PTPN5: variants seen among roughly 807,000 people sequenced by gnomAD.
PTPN5 encodes the protein tyrosine-protein phosphatase non-receptor type 5.
In PTPN5, 29 loss-of-function variants were observed where a neutral mutation model predicts 73.9. That is an observed-to-expected ratio of 0.39 (90% CI 0.29 to 0.54). PTPN5 has a LOEUF of 0.54. PTPN5 is among the 20% of genes least tolerant of loss of function. The pLI, the probability that PTPN5 is intolerant of heterozygous loss-of-function variation, is 0.65. For synonymous variants in PTPN5, 267 were observed against 304.7 expected (o/e 0.88, Z 1.29); for missense variants, 652 against 751.4 (o/e 0.87, Z 1.55).
At position 18,729,332 on chromosome 11, in the gene PTPN5, A is replaced by T. The variant is rs1030380197; in HGVS notation, c.1604+121T>A. 2 of 643,416 alleles carry T rather than the reference A, an allele frequency of 3.1e-6. No individual in the cohort carries two copies. The highest frequency in any genetic ancestry group is 2.8e-6 in the Non-Finnish European group (1 of 354,182). 39.9% of individuals were successfully genotyped at this position (643,416 alleles called of 1,614,324 possible). A position where few individuals can be genotyped will look rare whatever the true frequency, so the allele number is the denominator to read the frequency against. ...CCTCGCTACTCCTTGTCTGCCCATC[A>T]GTCCGTGCCAGTGTTTTCCATCTGC... On this transcript the variant is annotated intron_variant, in intron 14 of 14. Coordinates refer to ENST00000358540, the MANE Select transcript of PTPN5 (RefSeq NM_006906.2). The surrounding 1 kb of genome is among the most constrained non-coding windows in gnomAD (Gnocchi z 5.2).
chr11:18,777,912 T>G (rs1462210103), intron 1 of PTPN5, among the ~76,000 whole-genome samples: 1 of 151,736 alleles, frequency 6.6e-6, no homozygotes, highest in Non-Finnish European at 1.5e-5. Context: ...ACCACTGCAT[T>G]TCAGCCCAGC....
Position 18,765,787 on chromosome 11 carries a change from T to C in PTPN5, c.97+20A>G. ...CTCCATTCTGAGGTCTGGGAGGAGCTGGGTGCTGAGAAGACTCACCCGGTA... is the reference window on the plus strand; with the variant it reads ...CTCCATTCTGAGGTCTGGGAGGAGCCGGGTGCTGAGAAGACTCACCCGGTA... On this transcript the variant is annotated intron_variant, in intron 3 of 14. Transcript: ENST00000358540. The C allele has an allele frequency of 6.6e-7, 1 of 1,526,614 alleles. No individual in the cohort carries two copies. The highest frequency in any genetic ancestry group is 8.9e-7 in the Non-Finnish European group (1 of 1,121,386). 94.6% of individuals were successfully genotyped at this position (1,526,614 alleles called of 1,614,324 possible). A position where few individuals can be genotyped will look rare whatever the true frequency, so the allele number is the denominator to read the frequency against.
At chr11:18,749,537 A>G (rs889164320) in intron 3 of PTPN5, 2 of 518,350 alleles carry the variant, frequency 3.9e-6, no homozygotes, top group Admixed American at 3.9e-5. Flanking sequence ...GCCACGGTGC[A>G]GATTTTGTGC....
intron 3 of PTPN5, among the ~76,000 whole-genome samples, chr11:18,753,261 C>A (rs577131479): frequency 2.9e-4 from 44 of 152,306 alleles, no homozygotes; most frequent in African/African-American, 1.0e-3. Context: ...GAGGCTCACA[C>A]CATGTTCTCA....
chr11:18,744,336 C>G lies in PTPN5; in HGVS notation c.98-137G>C. 3 of 624,426 alleles carry G rather than the reference C, an allele frequency of 4.8e-6. No individual in the cohort carries two copies. The South Asian group carries it at 1.1e-4, about 23-fold the overall frequency. The allele number at this position is 624,426 out of a possible 1,614,324, so 38.7% of individuals were successfully genotyped here. A position where few individuals can be genotyped will look rare whatever the true frequency, so the allele number is the denominator to read the frequency against. On this transcript the variant is annotated intron_variant, in intron 3 of 14. Transcript: ENST00000358540. ...TGGCTCCACTTCCAGCAGTCACCCT[C>G]GATTAGCAAAGCAATATTCACCTAC... is the stretch of plus-strand genomic sequence containing the variant.
intron 2 of PTPN5, among the ~76,000 whole-genome samples, chr11:18,771,440 T>C (rs1401601291): frequency 2.0e-5 from 3 of 152,218 alleles, no homozygotes; most frequent in Non-Finnish European, 4.4e-5. Flanking sequence ...CTCCCACTTC[T>C]GGGCTCCCCC....
chr11:18,764,254 G>A (rs912275821), intron 3 of PTPN5, among the ~76,000 whole-genome samples: 2 of 152,154 alleles, frequency 1.3e-5, no homozygotes, highest in Admixed American at 6.5e-5. Context: ...GCGTCTATGG[G>A]CCAAAGGCCT....
At chr11:18,750,375 C>T (rs919851428) in intron 3 of PTPN5, among the ~76,000 whole-genome samples, 42 of 152,152 alleles carry the variant, frequency 2.8e-4, no homozygotes, top group Admixed American at 2.8e-3. Context: ...ATGCTATTAG[C>T]CACACACGAG....
chr11:18,788,081 A>G (rs956802800), intron 1 of PTPN5, among the ~76,000 whole-genome samples: 1 of 152,040 alleles, frequency 6.6e-6, no homozygotes, highest in Non-Finnish European at 1.5e-5. Flanking sequence ...AAGCCTTGCC[A>G]TCACTTATTC....
intron 8 of PTPN5, 64 bp from the exon 9 acceptor site, chr11:18,738,028 C>CACAGCAGCCCCTGGAT: frequency 7.3e-7 from 1 of 1,370,640 alleles, no homozygotes; most frequent in Non-Finnish European, 1.0e-6. Flanking sequence ...AATCCAGGGG[C>CACAGCAGCCCCTGGAT]TGCTGTGCCC....
intron 3 of PTPN5, among the ~76,000 whole-genome samples, chr11:18,750,068 T>C (rs1413354646): frequency 6.6e-6 from 1 of 152,176 alleles, no homozygotes. Context: ...TTCAGCCCAT[T>C]AATTTCTCAG....
chr11:18,752,059 C>T (rs556966226), intron 3 of PTPN5, among the ~76,000 whole-genome samples: 7 of 152,202 alleles, frequency 4.6e-5, no homozygotes, highest in South Asian at 2.1e-4. Context: ...GGTAAAACCC[C>T]GTCTCTACTA....
chr11:18,775,286 C>A (rs1166417693), intron 1 of PTPN5, among the ~76,000 whole-genome samples: 1 of 152,216 alleles, frequency 6.6e-6, no homozygotes, highest in Non-Finnish European at 1.5e-5. Context: ...CATATCATGG[C>A]AGTTGCTTTC....
At chr11:18,776,412 G>A (rs1004589818) in intron 1 of PTPN5, among the ~76,000 whole-genome samples, 2 of 152,058 alleles carry the variant, frequency 1.3e-5, no homozygotes, top group African/African-American at 4.8e-5. Context: ...TCCGTCTTCT[G>A]TTCTTACCCC....
intron 3 of PTPN5, among the ~76,000 whole-genome samples, chr11:18,751,072 T>C (rs1244041050): frequency 6.6e-6 from 1 of 152,114 alleles, no homozygotes; most frequent in Non-Finnish European, 1.5e-5. Context: ...ATACACCCAA[T>C]CAGCTACTTC....
At position 18,737,974 on chromosome 11, in the gene PTPN5, G is replaced by C. The variant is rs1290632234; in HGVS notation, c.916-10C>G. On this transcript the variant is annotated splice_polypyrimidine_tract_variant and intron_variant, in intron 8 of 14. Coordinates refer to ENST00000358540, the MANE Select transcript of PTPN5 (RefSeq NM_006906.2). Reference sequence around the variant, plus strand: ...AGTTCATGGGGATTTCCTGTGGAAGGAGGACACGGGGTGTGAGCAGCTATG... The same window carrying C: ...AGTTCATGGGGATTTCCTGTGGAAGCAGGACACGGGGTGTGAGCAGCTATG... 3 of 1,612,310 alleles carry C rather than the reference G, an allele frequency of 1.9e-6. No individual in the cohort carries two copies. Among genetic ancestry groups the C allele is most frequent in the Non-Finnish European group, 2.5e-6 (3 of 1,178,304 alleles).
At chr11:18,739,421 G>A (rs1421905295) in intron 8 of PTPN5, among the ~76,000 whole-genome samples, 3 of 152,230 alleles carry the variant, frequency 2.0e-5, no homozygotes, top group Non-Finnish European at 4.4e-5. Context: ...CACAGGAGGA[G>A]AAAGGCACGG....
At position 18,728,599 on chromosome 11, in the gene PTPN5, C is replaced by A. The variant is rs1212037074; in HGVS notation, c.*335G>T. On this transcript the variant is annotated 3_prime_UTR_variant, in exon 15 of 15. Coordinates refer to ENST00000358540, the MANE Select transcript of PTPN5 (RefSeq NM_006906.2). This position sits in a 1 kb window ranked among gnomAD's most constrained non-coding sequence, Gnocchi z 4.1. Reference sequence around the variant, plus strand: ...GATGGACAGACAGAACACATTGCAGCAGGACACAAAGTGTAGCACGGAAAC... The same window carrying A: ...GATGGACAGACAGAACACATTGCAGAAGGACACAAAGTGTAGCACGGAAAC... 4.1e-6 allele frequency: 1 copy of A among 244,846 alleles called. No individual in the cohort carries two copies. The highest frequency in any genetic ancestry group is 1.1e-4 in the East Asian group (1 of 8,736). 15.2% of individuals were successfully genotyped at this position (244,846 alleles called of 1,614,324 possible).
At chr11:18,765,328 T>A (rs1384777275) in intron 3 of PTPN5, among the ~76,000 whole-genome samples, 1 of 151,998 alleles carries the variant, frequency 6.6e-6, no homozygotes, top group African/African-American at 2.4e-5. Context: ...ATGGCTTGGC[T>A]CCCTGCAACT....
Sources: gnomAD v4.1 joint callset for allele counts (sites outside exome capture counted in the v4.1 genomes callset) on GRCh38, gnomAD v4.1.1 for gene constraint, Gnocchi (gnomAD v3.1) non-coding constraint, MANE v1.5 for transcripts, NCBI Gene and HGNC (gene_info 2026-07-23, HGNC 2026-07-21) for gene names.